Variants in UBR2 observed in about 807,000 individuals in gnomAD.
UBR2 encodes the protein E3 ubiquitin-protein ligase UBR2.
In UBR2, 92 loss-of-function variants were observed where a neutral mutation model predicts 247.9. The ratio of observed to expected loss-of-function variants is 0.37; its 90% CI spans 0.31 to 0.44. UBR2 has a LOEUF of 0.44. UBR2 is among the 20% of genes least tolerant of loss of function. The pLI is 1.00. For missense variants in UBR2, 1,613 were observed against 2,112.6 expected, an observed-to-expected ratio of 0.76 and a Z score of 4.64; for synonymous variants, 672 against 693.5, an observed-to-expected ratio of 0.97 and a Z score of 0.49.
At chr6:42,677,098 G>A (rs1490308692) in intron 40 of UBR2, among the ~76,000 whole-genome samples, 1 of 152,176 alleles carries the variant, frequency 6.6e-6, no homozygotes, top group Admixed American at 6.5e-5. Context: ...CATTTATTTG[G>A]CTGTGGAACC....
rs202236219 is a variant in UBR2, at chr6:42,663,351, C to T, written c.3630C>T (p.Cys1210=). 200 of 1,613,592 alleles carry T rather than the reference C, an allele frequency of 1.2e-4. 1 individual carries two copies. The highest frequency in any genetic ancestry group is 3.1e-5 in the Non-Finnish European group (36 of 1,179,874). ...SYDVENGEFL[C]PLCECLSNTV... ...ATGTAGAAAACGGAGAATTCCTTTG[C>T]CCCCTTTGTGAATGCTTGAGTAATA... Residue 1210 remains cysteine (C), a synonymous_variant, in exon 32 of 47, where the codon TGC becomes TGT. Coordinates refer to ENST00000372901, the MANE Select transcript of UBR2 (RefSeq NM_001363705.2).
intron 34 of UBR2, among the ~76,000 whole-genome samples, chr6:42,668,954 G>T (rs1798275705): frequency 6.7e-6 from 1 of 148,814 alleles, no homozygotes; most frequent in Non-Finnish European, 1.5e-5. Flanking sequence ...ACAGAGTGTT[G>T]TTCTTGTCAC....
chr6:42,599,280 A>G (rs946844114), intron 4 of UBR2, among the ~76,000 whole-genome samples: 8 of 152,184 alleles, frequency 5.3e-5, no homozygotes, highest in Non-Finnish European at 8.8e-5. Flanking sequence ...AAACAGCCTC[A>G]TAAGATAGAT....
chr6:42,606,479 T>G (rs1182769646), intron 6 of UBR2, 110 bp from the exon 7 acceptor site: 14 of 947,012 alleles, frequency 1.5e-5, no homozygotes, highest in Non-Finnish European at 2.1e-5. Context: ...ATTGTAAATA[T>G]TGAAAATTGA....
At chr6:42,660,991 GT>G (rs200368943) in intron 30 of UBR2, among the ~76,000 whole-genome samples, 1 of 101,748 alleles carries the variant, frequency 9.8e-6, no homozygotes, top group African/African-American at 4.1e-5. Flanking sequence ...TTGTTTGTTT[GT>G]TTTTAAAAAA....
chr6:42,663,290 G>A lies in UBR2; in HGVS notation c.3569G>A (p.Arg1190Gln), dbSNP rs752334672. ...GATTCCGTTCAAGCTAAAGAACAGC[G>A]AAGGCAACAGAGATTACGCTTACAT... ...YFDSVQAKEQRRQQRLRLHTS... is the reference protein window; with the variant it reads ...YFDSVQAKEQQRQQRLRLHTS... Residue 1190 changes from arginine to glutamine, a missense_variant, in exon 32 of 47, where the codon CGA becomes CAA. By Grantham distance (43) the Arg-to-Gln change is conservative. Coordinates refer to ENST00000372901, the MANE Select transcript of UBR2 (RefSeq NM_001363705.2). The A allele has an allele frequency of 3.7e-5, 59 of 1,610,730 alleles. No homozygotes were observed. The highest frequency in any genetic ancestry group is 6.7e-5 in the East Asian group (3 of 44,574).
At chr6:42,634,721 C>G (rs755176228) in intron 13 of UBR2, among the ~76,000 whole-genome samples, 13 of 152,242 alleles carry the variant, frequency 8.5e-5, no homozygotes, top group Non-Finnish European at 1.8e-4. Flanking sequence ...TCCCAAAGTG[C>G]TGGGATTACA....
intron 11 of UBR2, among the ~76,000 whole-genome samples, chr6:42,622,405 G>GTT (rs112798050): frequency 4.5e-4 from 63 of 138,770 alleles, no homozygotes; most frequent in African/African-American, 4.6e-4. Flanking sequence ...TTTTTGGTGG[G>GTT]TTTTTTTTTT....
At position 42,592,232 on chromosome 6, in the gene UBR2, T is replaced by C; in HGVS notation, c.417+3T>C. ...TTCACAGAGATCATCGATATAGGGT[T>C]AGTAATGTCCAAATAATAACCATGC... On this transcript the variant is annotated splice_donor_region_variant and intron_variant, in intron 3 of 46. Coordinates refer to ENST00000372901, the MANE Select transcript of UBR2 (RefSeq NM_001363705.2). The C allele has an allele frequency of 1.0e-5, 16 of 1,560,886 alleles. No individual in the cohort carries two copies. The highest frequency in any genetic ancestry group is 1.3e-5 in the Non-Finnish European group (15 of 1,160,758).
chr6:42,578,752 G>C (rs1212028269), intron 2 of UBR2, among the ~76,000 whole-genome samples: 1 of 152,016 alleles, frequency 6.6e-6, no homozygotes, highest in East Asian at 1.9e-4. Context: ...AAGAGGGGTT[G>C]TTCTTTCAGT....
intron 14 of UBR2, 125 bp from the exon 15 acceptor site, chr6:42,636,886 G>A (rs1440070038): frequency 2.1e-6 from 2 of 970,856 alleles, no homozygotes; most frequent in African/African-American, 3.3e-5. Flanking sequence ...ATTTGGGAGG[G>A]AGGATTGAGT....
intron 2 of UBR2, among the ~76,000 whole-genome samples, chr6:42,591,666 A>C (rs1235961063): frequency 6.6e-6 from 1 of 152,210 alleles, no homozygotes; most frequent in African/African-American, 2.4e-5. Flanking sequence ...GTAGAAATGT[A>C]AGTTCAAATA....
rs761937951 is a variant in UBR2, at chr6:42,632,605, T to A, written c.1335T>A (p.Phe445Leu). ...TAATGAGCATTATCATTAAGACTTTTATGGATCATTTGAGACATCGAGATG... is the reference window on the plus strand; with the variant it reads ...TAATGAGCATTATCATTAAGACTTTAATGGATCATTTGAGACATCGAGATG... ...ENLMSIIIKT[F>L]MDHLRHRDAQ... Residue 445 changes from phenylalanine to leucine, a missense_variant, in exon 12 of 47, where the codon TTT becomes TTA. Physicochemically the swap from Phe to Leu is conservative, Grantham distance 22 (BLOSUM62 0). Coordinates refer to ENST00000372901, the MANE Select transcript of UBR2 (RefSeq NM_001363705.2). 7.4e-6 allele frequency: 12 copies of A among 1,613,326 alleles called. No homozygotes were observed. The highest frequency in any genetic ancestry group is 1.0e-5 in the Non-Finnish European group (12 of 1,179,792).
chr6:42,619,438 TATATATA>T lies in UBR2; in HGVS notation c.1281+1932_1281+1938del, dbSNP rs1279838205. 2.2e-3 allele frequency: 66 copies of T among 29,972 alleles called. 2 individuals are homozygous for T. Among genetic ancestry groups the T allele is most frequent in the African/African-American group, 7.3e-3 (56 of 7,650 alleles). The allele number at this position is 29,972 out of a possible 1,614,324, so 1.9% of individuals were successfully genotyped here. On this transcript the variant is annotated intron_variant, in intron 11 of 46. Transcript: ENST00000372901. ...ATATATATATATATATATATATATA[TATATATA>T]TATATATATTTTTTTTTTTTAGTTC...
chr6:42,570,917 C>G (rs548614036), intron 1 of UBR2, among the ~76,000 whole-genome samples: 2 of 151,584 alleles, frequency 1.3e-5, no homozygotes, highest in South Asian at 4.2e-4. Context: ...AACCTCTGAA[C>G]TCAAATGAGC....
At chr6:42,606,242 C>CA (rs1285312210) in intron 6 of UBR2, among the ~76,000 whole-genome samples, 164 of 123,322 alleles carry the variant, frequency 1.3e-3, no homozygotes, top group Admixed American at 1.9e-3. Context: ...GACTCCATCT[C>CA]AAAAAAAAAA....
chr6:42,586,538 C>CTTTTTTTTTTTTTTTT (rs147830824), intron 2 of UBR2, among the ~76,000 whole-genome samples: 4 of 97,256 alleles, frequency 4.1e-5, no homozygotes, highest in African/African-American at 1.3e-4. Flanking sequence ...GTTTGTCTCT[C>CTTTTTTTTTTTTTTTT]TTTTTTTTTT....
chr6:42,595,235 G>A (rs761351083), intron 4 of UBR2, among the ~76,000 whole-genome samples: 1 of 152,180 alleles, frequency 6.6e-6, no homozygotes, highest in Non-Finnish European at 1.5e-5. Flanking sequence ...CTATAGTGCT[G>A]TAGAACATTA....
At chr6:42,657,791 G>A (rs1221615504) in intron 26 of UBR2, among the ~76,000 whole-genome samples, 9 of 152,146 alleles carry the variant, frequency 5.9e-5, no homozygotes, top group African/African-American at 1.9e-4. Flanking sequence ...ATAATCATTT[G>A]CTATAAAAAG....
Sources: gnomAD v4.1 joint callset for allele counts (sites outside exome capture counted in the v4.1 genomes callset) on GRCh38, gnomAD v4.1.1 for gene constraint, MANE v1.5 for transcripts, NCBI Gene and HGNC (gene_info 2026-07-23, HGNC 2026-07-21) for gene names.